ATP5MJ: variants seen among roughly 807,000 people sequenced by gnomAD.
ATP5MJ encodes ATP synthase F(0) complex subunit j, mitochondrial.
ATP5MJ carries 4 observed loss-of-function variants against 8.3 expected under a neutral mutation model. The ratio of observed to expected loss-of-function variants is 0.48; its 90% confidence interval spans 0.24 to 1.11. The LOEUF (loss-of-function observed/expected upper bound fraction) is 1.11. Ranked by LOEUF, ATP5MJ falls within the 50% of genes least tolerant of loss-of-function variation. The pLI is 0.18. For missense variants in ATP5MJ, 66 were observed against 71.8 expected (o/e 0.92, Z 0.29); for synonymous variants, 23 against 21.3 (o/e 1.08, Z -0.23).
At chr14:103,920,669 A>C (rs2087669599) in intron 1 of ATP5MJ, among the ~76,000 whole-genome samples, 1 of 149,016 alleles carries the variant, frequency 6.7e-6, no homozygotes, top group Non-Finnish European at 1.5e-5. Context: ...ACGGCGTTTC[A>C]CCATGTTGGT....
chr14:103,912,921 A>G (rs997890172), intron 3 of ATP5MJ: 19 of 542,202 alleles, frequency 3.5e-5, no homozygotes, highest in Non-Finnish European at 6.2e-5. Flanking sequence ...GCAAAGAGAG[A>G]GGCAGGGAAA....
intron 1 of ATP5MJ, among the ~76,000 whole-genome samples, chr14:103,919,822 A>T (rs2087658267): frequency 6.7e-6 from 1 of 150,224 alleles, no homozygotes. Flanking sequence ...ACATAATAAA[A>T]CGAGGGCCCC....
At chr14:103,917,728 G>A (rs79260877) in intron 1 of ATP5MJ, among the ~76,000 whole-genome samples, 2,701 of 152,286 alleles carry the variant, frequency 0.018, 46 homozygotes, top group Middle Eastern at 0.041. Context: ...CCTGATTGTG[G>A]TTAGTTCTGT....
chr14:103,920,490 T>A (rs557163778), intron 1 of ATP5MJ, among the ~76,000 whole-genome samples: 13 of 141,570 alleles, frequency 9.2e-5, no homozygotes, highest in Non-Finnish European at 1.7e-4. Context: ...TTTTTTTTTT[T>A]AAGACGGAGT....
At chr14:103,918,496 G>A (rs1222228544) in intron 1 of ATP5MJ, among the ~76,000 whole-genome samples, 16 of 152,172 alleles carry the variant, frequency 1.1e-4, no homozygotes. Flanking sequence ...GAGTAGCTGG[G>A]ACTACAGGTG....
In ATP5MJ at chr14:103,912,683, C is replaced by A. The variant is rs117358775; in HGVS notation, c.160G>T (p.Ala54Ser). Residue 54 changes from alanine to serine, a missense_variant, in exon 4 of 4, where the codon GCT (alanine) becomes TCT (serine). By Grantham distance (99) the Ala-to-Ser change is moderately conservative. Coordinates refer to ENST00000286953, the MANE Select transcript of ATP5MJ (RefSeq NM_004894.3). ...RSKALKASAP[A>S]PGHH ...AAATCTGGTTAGTGATGACCAGGAG[C>A]AGGCGCTGAAGCTTTTGAAAGAGAT... 1.2e-6 allele frequency: 2 copies of A among 1,613,894 alleles called. No individual in the cohort carries two copies. The highest frequency in any genetic ancestry group is 1.7e-6 in the Non-Finnish European group (2 of 1,179,914).
At chr14:103,916,991 G>A (rs939603270) in intron 1 of ATP5MJ, among the ~76,000 whole-genome samples, 9 of 152,144 alleles carry the variant, frequency 5.9e-5, no homozygotes, top group African/African-American at 2.2e-4. Context: ...AACCCGGATC[G>A]TGTGGTCATT....
chr14:103,919,837 T>C (rs1280357419), intron 1 of ATP5MJ, among the ~76,000 whole-genome samples: 25 of 147,964 alleles, frequency 1.7e-4, no homozygotes, highest in Non-Finnish European at 2.6e-4. Context: ...GGCCCCCCCT[T>C]TTTTTTTTTA....
In ATP5MJ at chr14:103,914,329, T is replaced by C. The variant is rs151059352; in HGVS notation, c.125-345A>G. On this transcript the variant is annotated intron_variant, in intron 2 of 3. Coordinates refer to ENST00000286953, the MANE Select transcript of ATP5MJ (RefSeq NM_004894.3). ...GAGAACCAAGTGGTTATTCCTCCCC[T>C]CCAAATTTTTTTACAAACAAATTTC... 207 of 538,952 alleles carry C rather than the reference T, an allele frequency of 3.8e-4. 2 individuals are homozygous for C. Among genetic ancestry groups the C allele is most frequent in the African/African-American group, 3.5e-3 (184 of 52,512 alleles). 33.4% of individuals were successfully genotyped at this position (538,952 alleles called of 1,614,324 possible).
At chr14:103,919,466 TA>T (rs1026838482) in intron 1 of ATP5MJ, among the ~76,000 whole-genome samples, 4 of 151,698 alleles carry the variant, frequency 2.6e-5, no homozygotes, top group African/African-American at 7.3e-5. Context: ...TGGCTATAAT[TA>T]ATACTAAGCC....
At chr14:103,914,526 G>C (rs758053989) in intron 2 of ATP5MJ, 2 of 688,436 alleles carry the variant, frequency 2.9e-6, no homozygotes, top group South Asian at 3.1e-5. Flanking sequence ...TGGGCCAGGT[G>C]TTGTGGCTCA....
intron 1 of ATP5MJ, among the ~76,000 whole-genome samples, chr14:103,917,110 G>A (rs1297740496): frequency 6.6e-6 from 1 of 152,312 alleles, no homozygotes; most frequent in East Asian, 1.9e-4. Flanking sequence ...CCTCGGCATT[G>A]GCAGAGACTC....
intron 3 of ATP5MJ, chr14:103,913,595 A>T: frequency 2.8e-6 from 1 of 362,560 alleles, no homozygotes; most frequent in Non-Finnish European, 4.9e-6. Flanking sequence ...TGGGCGACAG[A>T]GCGAGGCTCC....
intron 1 of ATP5MJ, chr14:103,921,159 C>T: frequency 1.2e-6 from 1 of 844,138 alleles, no homozygotes; most frequent in Non-Finnish European, 1.9e-6. Flanking sequence ...TCTAACTCTG[C>T]GTAGCCTCTG....
intron 1 of ATP5MJ, among the ~76,000 whole-genome samples, chr14:103,917,105 G>T (rs143364251): frequency 6.6e-6 from 1 of 152,244 alleles, no homozygotes; most frequent in Non-Finnish European, 1.5e-5. Flanking sequence ...GGAATCCTCG[G>T]CATTGGCAGA....
At chr14:103,917,616 C>T (rs908883353) in intron 1 of ATP5MJ, among the ~76,000 whole-genome samples, 5 of 152,138 alleles carry the variant, frequency 3.3e-5, no homozygotes, top group Admixed American at 3.3e-4. Flanking sequence ...AGCTAAGCTA[C>T]TGGACAGAGG....
Position 103,915,098 on chromosome 14 carries a change from A to C in ATP5MJ, c.92T>G (p.Met31Arg). The change falls in exon 2 of 4, where the codon ATG becomes AGG. Residue 31 changes from methionine (M) to arginine (R), a missense_variant. Coordinates refer to ENST00000286953, the MANE Select transcript of ATP5MJ (RefSeq NM_004894.3). ...CCGGATTTTATAAACGATGAAGCCC[A>C]TCAGCCCCATTCCTATCCAAATCTC... ...YQEIWIGMGLMGFIVYKIRAA... is the reference protein window; with the variant it reads ...YQEIWIGMGLRGFIVYKIRAA... 1 of 1,614,168 alleles carries C rather than the reference A, an allele frequency of 6.2e-7. No individual in the cohort carries two copies. The highest frequency in any genetic ancestry group is 8.5e-7 in the Non-Finnish European group (1 of 1,180,018).
intron 1 of ATP5MJ, chr14:103,921,262 G>A: frequency 2.0e-6 from 1 of 504,898 alleles, no homozygotes; most frequent in Non-Finnish European, 3.6e-6. Flanking sequence ...GGCCAAGGAG[G>A]GAAACGCGGC....
chr14:103,914,772 G>A lies in ATP5MJ; in HGVS notation c.124+294C>T, dbSNP rs577953789. The A allele has an allele frequency of 3.6e-4, 189 of 521,534 alleles. 1 individual carries two copies. The South Asian group carries it at 4.8e-3, about 13-fold the overall frequency. The allele number at this position is 521,534 out of a possible 1,614,324, so 32.3% of individuals were successfully genotyped here. A position where few individuals can be genotyped will look rare whatever the true frequency, so the allele number is the denominator to read the frequency against. On this transcript the variant is annotated intron_variant, in intron 2 of 3. Coordinates refer to ENST00000286953, the MANE Select transcript of ATP5MJ (RefSeq NM_004894.3). ...AAATCACCTGAGCCTAGGAGGTGGAGGCTGCAGTGAACCATGATCGTGCCA... is the reference window on the plus strand; with the variant it reads ...AAATCACCTGAGCCTAGGAGGTGGAAGCTGCAGTGAACCATGATCGTGCCA...
Sources: gnomAD v4.1 joint callset for allele counts (sites outside exome capture counted in the v4.1 genomes callset) on GRCh38, gnomAD v4.1.1 for gene constraint, MANE v1.5 for transcripts, NCBI Gene and HGNC (gene_info 2026-07-23, HGNC 2026-07-21) for gene names.